The following NECAB1 variants were observed in gnomAD, a reference collection of about 807,000 sequenced individuals.
NECAB1 encodes the protein N-terminal EF-hand calcium-binding protein 1.
In NECAB1, 29 loss-of-function variants were observed where a neutral mutation model predicts 57.5. The observed-to-expected ratio is 0.50, with a 90% CI of 0.38 to 0.69. The LOEUF (loss-of-function observed/expected upper bound fraction) is 0.69, where lower values mean the gene tolerates loss of function less well. Ranked by LOEUF, NECAB1 falls within the 30% of genes least tolerant of loss-of-function variation. The pLI is 0.00. For missense variants in NECAB1, 372 were observed against 413.8 expected (o/e 0.90, Z 0.88); for synonymous variants, 142 against 147.7 (o/e 0.96, Z 0.28).
At chr8:90,900,653 T>C (rs1418990739) in intron 5 of NECAB1, among the ~76,000 whole-genome samples, 3 of 152,202 alleles carry the variant, frequency 2.0e-5, no homozygotes, top group African/African-American at 7.2e-5. Context: ...GGGAGCATAA[T>C]TAAGACTATC....
chr8:90,823,991 G>C (rs1812186497), intron 2 of NECAB1, among the ~76,000 whole-genome samples: 1 of 151,200 alleles, frequency 6.6e-6, no homozygotes, highest in Non-Finnish European at 1.5e-5. Flanking sequence ...CAAAGTCAGG[G>C]GTGAATGCTA....
intron 3 of NECAB1, among the ~76,000 whole-genome samples, chr8:90,859,482 G>A (rs1812856083): frequency 6.6e-6 from 1 of 152,176 alleles, no homozygotes; most frequent in African/African-American, 2.4e-5. Flanking sequence ...AGGAATTAGG[G>A]AGGGATAAGG....
chr8:90,938,646 G>T (rs2130229688), intron 9 of NECAB1, among the ~76,000 whole-genome samples: 1 of 152,266 alleles, frequency 6.6e-6, no homozygotes. Flanking sequence ...CTCTTTAAAT[G>T]GATTTCTTTG....
chr8:90,802,303 G>A (rs1293424385), intron 2 of NECAB1, among the ~76,000 whole-genome samples: 1 of 152,220 alleles, frequency 6.6e-6, no homozygotes, highest in South Asian at 2.1e-4. Context: ...AGAGAAGTAG[G>A]AGATGGCAAC....
At chr8:90,951,277 T>G in intron 12 of NECAB1, 73 bp downstream of exon 12, 1 of 808,622 alleles carries the variant, frequency 1.2e-6, no homozygotes, top group South Asian at 1.7e-5. Flanking sequence ...AAAGATAGTA[T>G]GCTCTTTCCT....
At chr8:90,917,356 A>T in intron 5 of NECAB1, 136 bp from the exon 6 acceptor site, 1 of 664,796 alleles carries the variant, frequency 1.5e-6, no homozygotes, top group Non-Finnish European at 2.3e-6. Context: ...AGGGCTCGAC[A>T]GATCTTTTCC....
chr8:90,858,279 C>T (rs1812830950), intron 3 of NECAB1, among the ~76,000 whole-genome samples: 1 of 152,122 alleles, frequency 6.6e-6, no homozygotes, highest in Non-Finnish European at 1.5e-5. Flanking sequence ...TGCCAACTGG[C>T]ATCAGGTGTA....
At chr8:90,812,142 G>A (rs1811970394) in intron 2 of NECAB1, among the ~76,000 whole-genome samples, 1 of 152,198 alleles carries the variant, frequency 6.6e-6, no homozygotes, top group African/African-American at 2.4e-5. Flanking sequence ...GAGAATGCAG[G>A]TATAGAGGAG....
intron 9 of NECAB1, chr8:90,940,071 G>C (rs1403353826): frequency 6.6e-6 from 1 of 152,256 alleles, no homozygotes. Flanking sequence ...CCCACAGGCG[G>C]ATCTTGAGGG....
intron 8 of NECAB1, 111 bp from the exon 9 acceptor site, chr8:90,934,193 A>G (rs556039041): frequency 2.8e-5 from 20 of 703,918 alleles, no homozygotes; most frequent in Admixed American, 1.4e-4. Flanking sequence ...TAAGATAATG[A>G]AGTTCTTTTG....
intron 3 of NECAB1, among the ~76,000 whole-genome samples, chr8:90,869,069 C>T (rs1252823500): frequency 6.6e-6 from 1 of 152,238 alleles, no homozygotes. Context: ...AGGTACAGCT[C>T]TTGTTGTTAC....
intron 3 of NECAB1, among the ~76,000 whole-genome samples, chr8:90,863,177 G>A (rs1270600932): frequency 6.6e-6 from 1 of 151,938 alleles, no homozygotes; most frequent in African/African-American, 2.4e-5. Flanking sequence ...GCAATTTTCT[G>A]GTATGTTTCT....
intron 1 of NECAB1, among the ~76,000 whole-genome samples, chr8:90,800,581 G>A (rs925334965): frequency 3.9e-5 from 6 of 152,152 alleles, no homozygotes; most frequent in African/African-American, 1.4e-4. Flanking sequence ...CCTATTTCCA[G>A]ATAAAGTTAC....
chr8:90,875,004 G>A lies in NECAB1; in HGVS notation c.259+2851G>A, dbSNP rs539299704. On this transcript the variant is annotated intron_variant, in intron 4 of 12. Coordinates refer to ENST00000417640, the MANE Select transcript of NECAB1 (RefSeq NM_022351.5). The stretch of plus-strand genomic sequence containing the variant: ...TCAATACATAACTCAGTTTTAATTA[G>A]GCAATTGTGTTTGAACTCTGGCATT... 6.1e-4 allele frequency among the ~76,000 whole-genome samples: 93 copies of A among 151,450 alleles called. 1 individual carries two copies. The highest frequency in any genetic ancestry group is 2.0e-3 in the African/African-American group (83 of 41,114).
At chr8:90,827,737 G>A (rs1396156130) in intron 3 of NECAB1, among the ~76,000 whole-genome samples, 4 of 151,730 alleles carry the variant, frequency 2.6e-5, no homozygotes, top group Non-Finnish European at 5.9e-5. Flanking sequence ...TATTATGCTT[G>A]ATTATGAAAA....
chr8:90,945,124 C>G (rs1405497003), intron 10 of NECAB1, among the ~76,000 whole-genome samples: 2 of 152,000 alleles, frequency 1.3e-5, no homozygotes, highest in African/African-American at 4.8e-5. Context: ...AGTGCCCAGG[C>G]TTGCGTGATC....
intron 2 of NECAB1, among the ~76,000 whole-genome samples, chr8:90,823,719 G>A (rs759502395): frequency 6.6e-5 from 10 of 151,862 alleles, no homozygotes; most frequent in South Asian, 2.1e-4. Flanking sequence ...TAGGAGTTTC[G>A]TGACCCTGGA....
intron 10 of NECAB1, among the ~76,000 whole-genome samples, chr8:90,942,127 A>G (rs1448844762): frequency 6.6e-6 from 1 of 152,228 alleles, no homozygotes; most frequent in Non-Finnish European, 1.5e-5. Flanking sequence ...CTGGAAATAA[A>G]CATGGAATTT....
intron 2 of NECAB1, among the ~76,000 whole-genome samples, chr8:90,807,791 C>T (rs974095382): frequency 6.6e-6 from 1 of 151,622 alleles, no homozygotes; most frequent in Non-Finnish European, 1.5e-5. Flanking sequence ...TGTTAACTCT[C>T]AGGTACATGC....
Sources: allele counts gnomAD v4.1 joint callset (sites outside exome capture counted in the v4.1 genomes callset), GRCh38; gene constraint gnomAD v4.1.1; transcripts MANE v1.5; gene names NCBI Gene and HGNC (gene_info 2026-07-23, HGNC 2026-07-21).